GP2: variants seen among roughly 807,000 people sequenced by gnomAD.
GP2 encodes glycoprotein 2.
In GP2, 58 loss-of-function variants were observed where a neutral mutation model predicts 60.8. That is an observed-to-expected ratio of 0.95 (90% CI 0.77 to 1.19). The LOEUF (loss-of-function observed/expected upper bound fraction) is 1.19, where lower values mean the gene tolerates loss of function less well. GP2 is among the 50% of genes most tolerant of loss of function. The probability of loss-of-function intolerance (pLI) is 0.00; values close to 1 mark genes in which losing one functional copy is unlikely to be tolerated. For synonymous variants in GP2, 280 were observed against 253.4 expected, an observed-to-expected ratio of 1.10 and a Z score of -1.00; for missense variants, 647 against 667.4, an observed-to-expected ratio of 0.97 and a Z score of 0.34.
In GP2 at chr16:20,315,998, C is replaced by A. The variant is rs1420019822; in HGVS notation, c.1459G>T (p.Asp487Tyr). Residue 487 changes from aspartate to tyrosine, a missense_variant, in exon 9 of 11, where the codon GAC becomes TAC. Coordinates refer to ENST00000302555, the MANE Select transcript of GP2 (RefSeq NM_001502.4). ...SQVRSEVPAI[D>Y]LARVLDLGPI... is the part of the protein sequence containing the mutation. ...CCCAAATCTAGAACCCGGGCTAGGT[C>A]GATGGCCGGTACTTCACTGCGGACT... The A allele has an allele frequency of 6.2e-7, 1 of 1,613,406 alleles. No homozygotes were observed. Among genetic ancestry groups the A allele is most frequent in the Non-Finnish European group, 8.5e-7 (1 of 1,179,440 alleles).
chr16:20,315,834 C>T, intron 9 of GP2, 122 bp downstream of exon 9: 1 of 690,106 alleles, frequency 1.4e-6, no homozygotes, highest in Non-Finnish European at 2.7e-6. Context: ...ATAGGTTTTT[C>T]AGTAAGGGTC....
chr16:20,323,490 C>A (rs561824582), intron 3 of GP2: 10 of 618,148 alleles, frequency 1.6e-5, no homozygotes, highest in East Asian at 3.4e-5. Context: ...GCTGTACCCC[C>A]CCCCCCTTTT....
At chr16:20,326,217 T>G (rs550518578) in intron 2 of GP2, 121 bp downstream of exon 2, 2 of 750,530 alleles carry the variant, frequency 2.7e-6, no homozygotes. Flanking sequence ...CTTCTAGCTC[T>G]GAGTTTTTGC....
rs376695071 is a variant in GP2, at chr16:20,322,994, A to G, written c.536-15T>C. The G allele has an allele frequency of 6.9e-7, 1 of 1,449,754 alleles. No individual in the cohort carries two copies. Among genetic ancestry groups the G allele is most frequent in the South Asian group, 1.1e-5 (1 of 87,578 alleles). The allele number at this position is 1,449,754 out of a possible 1,614,324, so 89.8% of individuals were successfully genotyped here. A position where few individuals can be genotyped will look rare whatever the true frequency, so the allele number is the denominator to read the frequency against. On this transcript the variant is annotated splice_polypyrimidine_tract_variant and intron_variant, in intron 3 of 10. Transcript: ENST00000302555. ...AGTGGATGGGTCTAGGTGATGGGGC[A>G]TGGAGAGAGAAGATCAGGATGCAGT... is the stretch of plus-strand genomic sequence containing the variant.
At position 20,324,165 on chromosome 16, in the gene GP2, G is replaced by C. The variant is rs1044837336; in HGVS notation, c.186C>G (p.Pro62=). The change falls in exon 3 of 11, where the codon CCC becomes CCG. Residue 62 remains proline, a synonymous_variant. Coordinates refer to ENST00000302555, the MANE Select transcript of GP2 (RefSeq NM_001502.4). The part of the protein sequence containing the change: ...GTPEAHVCFD[P]CQNYTLLDEP... ...CATCCAGGAGGGTGTAATTCTGACA[G>C]GGGTCAAAACAGACATGAGCCTCTG... The C allele has an allele frequency of 3.7e-6, 6 of 1,613,716 alleles. No homozygotes were observed. In the African/African-American group the frequency reaches 8.0e-5, roughly 22 times the overall value.
intron 4 of GP2, among the ~76,000 whole-genome samples, chr16:20,320,873 C>T (rs1964335001): frequency 6.6e-6 from 1 of 152,200 alleles, no homozygotes; most frequent in African/African-American, 2.4e-5. Flanking sequence ...AATCTACTAT[C>T]TGCCAGGCAC....
At position 20,310,586 on chromosome 16, in the gene GP2, T is replaced by C. The variant is rs1044841878; in HGVS notation, c.*637A>G. 3 of 152,356 alleles carry C rather than the reference T, an allele frequency of 2.0e-5. No individual in the cohort carries two copies. Among genetic ancestry groups the C allele is most frequent in the African/African-American group, 7.2e-5 (3 of 41,384 alleles). 9.4% of individuals were successfully genotyped at this position (152,356 alleles called of 1,614,324 possible). A position where few individuals can be genotyped will look rare whatever the true frequency, so the allele number is the denominator to read the frequency against. ...GTGCCTCTTCTCCATGCTCATCCCA[T>C]ACCCCAGTGACAGGATACCGCTTCC... On this transcript the variant is annotated 3_prime_UTR_variant, in exon 11 of 11. Transcript: ENST00000302555.
chr16:20,325,339 A>G (rs1964504079), intron 2 of GP2, among the ~76,000 whole-genome samples: 1 of 152,208 alleles, frequency 6.6e-6, no homozygotes, highest in South Asian at 2.1e-4. Flanking sequence ...GTTTCTTTCA[A>G]TGATTATCTT....
At chr16:20,317,742 A>G (rs569356909) in intron 7 of GP2, among the ~76,000 whole-genome samples, 1 of 152,360 alleles carries the variant, frequency 6.6e-6, no homozygotes, top group South Asian at 2.1e-4. Flanking sequence ...CTAATGTGCC[A>G]TAGCTCAATG....
At chr16:20,311,680 G>A (rs920867602) in intron 10 of GP2, among the ~76,000 whole-genome samples, 9 of 152,154 alleles carry the variant, frequency 5.9e-5, no homozygotes, top group Non-Finnish European at 1.0e-4. Flanking sequence ...AGGGGATAGT[G>A]GAGTTACCAG....
chr16:20,321,575 G>A (rs543478895), intron 4 of GP2, among the ~76,000 whole-genome samples: 1 of 152,312 alleles, frequency 6.6e-6, no homozygotes, highest in African/African-American at 2.4e-5. Context: ...ATTCACAGTG[G>A]TATGAAATTT....
intron 9 of GP2, among the ~76,000 whole-genome samples, chr16:20,315,530 G>A (rs753887218): frequency 3.9e-5 from 6 of 152,196 alleles, no homozygotes; most frequent in Non-Finnish European, 8.8e-5. Context: ...TAGGACTTAC[G>A]CCTCACCCAT....
In GP2 at chr16:20,310,206, G is replaced by A. The variant is rs953523411; in HGVS notation, c.*1017C>T. 1 of 152,198 alleles carries A rather than the reference G, an allele frequency of 6.6e-6. No homozygotes were observed. Among genetic ancestry groups the A allele is most frequent in the Admixed American group, 6.5e-5 (1 of 15,272 alleles). The allele number at this position is 152,198 out of a possible 1,614,324, so 9.4% of individuals were successfully genotyped here. On this transcript the variant is annotated 3_prime_UTR_variant, in exon 11 of 11. Coordinates refer to ENST00000302555, the MANE Select transcript of GP2 (RefSeq NM_001502.4). ...AGGACTGGTGCATTGCTTCTGTTGG[G>A]ACTTCTTGCTTAATCCTTCAGAGCA...
chr16:20,323,437 G>A, intron 3 of GP2: 1 of 716,808 alleles, frequency 1.4e-6, no homozygotes, highest in Non-Finnish European at 2.6e-6. Context: ...ACTTAGGATA[G>A]CAACAAGGAC....
At chr16:20,319,797 T>A in intron 5 of GP2, 29 bp from the exon 6 acceptor site, 1 of 1,584,580 alleles carries the variant, frequency 6.3e-7, no homozygotes, top group Non-Finnish European at 8.7e-7. Flanking sequence ...ACCATACAGA[T>A]GTTTATGTGT....
rs771306114 is a variant in GP2, at chr16:20,326,375, G to A, written c.57C>T (p.Val19=). Residue 19 remains valine, a synonymous_variant, in exon 2 of 11, where the codon GTC becomes GTT. Transcript: ENST00000302555. ...CAGATGCCTGGGTCAGAATGCAGGA[G>A]ACCAAGGCCAGCCACAGGAGGCCAG... ...VGSGLLWLAL[V]SCILTQASAV... The A allele has an allele frequency of 6.2e-7, 1 of 1,613,882 alleles. No homozygotes were observed.
chr16:20,311,837 A>G (rs1046116709), intron 10 of GP2, among the ~76,000 whole-genome samples: 3 of 152,344 alleles, frequency 2.0e-5, no homozygotes, highest in Non-Finnish European at 2.9e-5. Flanking sequence ...AGCTAGCATT[A>G]TTTATGCTGA....
chr16:20,326,281 T>G, intron 2 of GP2, 57 bp downstream of exon 2: 1 of 1,557,224 alleles, frequency 6.4e-7, no homozygotes. Flanking sequence ...TGCACTTCTA[T>G]CCTCACTTGC....
At position 20,326,397 on chromosome 16, in the gene GP2, C is replaced by A; in HGVS notation, c.35G>T (p.Gly12Val). 3.1e-6 allele frequency: 5 copies of A among 1,613,264 alleles called. No individual in the cohort carries two copies. The highest frequency in any genetic ancestry group is 4.2e-6 in the Non-Finnish European group (5 of 1,179,200). The part of the protein sequence containing the change: ...PHLMERMVGS[G>V]LLWLALVSCI... ...GGAGACCAAGGCCAGCCACAGGAGG[C>A]CAGAGCCCACCATCCTTTCCATAAG... Residue 12 changes from glycine (G) to valine (V), a missense_variant, in exon 2 of 11, where the codon GGC becomes GTC. Coordinates refer to ENST00000302555, the MANE Select transcript of GP2 (RefSeq NM_001502.4).
Sources: gnomAD v4.1 joint callset for allele counts (sites outside exome capture counted in the v4.1 genomes callset) on GRCh38, gnomAD v4.1.1 for gene constraint, MANE v1.5 for transcripts, NCBI Gene and HGNC (gene_info 2026-07-23, HGNC 2026-07-21) for gene names.